MYO1E: variants seen among roughly 807,000 people sequenced by gnomAD.
The protein encoded by MYO1E is myosin IE.
Under a neutral mutation model 151.1 loss-of-function variants are expected in MYO1E, and 68 were observed. The ratio of observed to expected loss-of-function variants is 0.45; its 90% CI spans 0.37 to 0.55. The LOEUF (loss-of-function observed/expected upper bound fraction) is 0.55. Ranked by LOEUF, MYO1E falls within the 20% of genes least tolerant of loss-of-function variation. The pLI, the probability that MYO1E is intolerant of heterozygous loss-of-function variation, is 0.00. For missense variants in MYO1E, 1,363 were observed against 1,389.3 expected, an observed-to-expected ratio of 0.98 and a Z score of 0.30; for synonymous variants, 601 against 501.7, an observed-to-expected ratio of 1.20 and a Z score of -2.64.
At chr15:59,319,923 G>C (rs185709073) in intron 1 of MYO1E, among the ~76,000 whole-genome samples, 20 of 151,980 alleles carry the variant, frequency 1.3e-4, no homozygotes, top group South Asian at 1.2e-3. Flanking sequence ...AACAAACAAA[G>C]AAAGAAACAC....
At chr15:59,202,153 A>G (rs978857893) in intron 16 of MYO1E, among the ~76,000 whole-genome samples, 173 bp downstream of exon 16, 2 of 152,230 alleles carry the variant, frequency 1.3e-5, no homozygotes, top group East Asian at 1.9e-4. Context: ...GCCAAGTCAA[A>G]TTCAGCTTGC....
chr15:59,368,606 C>T (rs1307935916), intron 1 of MYO1E, among the ~76,000 whole-genome samples: 1 of 152,048 alleles, frequency 6.6e-6, no homozygotes, highest in Non-Finnish European at 1.5e-5. Flanking sequence ...ATTAGCTGGG[C>T]GTTGTGGCAG....
At chr15:59,257,708 G>C (rs2080201713) in intron 3 of MYO1E, among the ~76,000 whole-genome samples, 1 of 152,112 alleles carries the variant, frequency 6.6e-6, no homozygotes, top group African/African-American at 2.4e-5. Flanking sequence ...CATGCTGTAG[G>C]CAGGGGGCTC....
intron 1 of MYO1E, among the ~76,000 whole-genome samples, chr15:59,314,256 C>T (rs1382972517): frequency 6.6e-6 from 1 of 152,214 alleles, no homozygotes; most frequent in South Asian, 2.1e-4. Flanking sequence ...TGAATGACAA[C>T]TCTGTGCCTT....
At chr15:59,343,380 G>A (rs145962084) in intron 1 of MYO1E, among the ~76,000 whole-genome samples, 2,417 of 151,768 alleles carry the variant, frequency 0.016, 64 homozygotes, top group African/African-American at 0.054. Context: ...GCTGCCAGAC[G>A]TGTTGGAGCT....
rs2079372075 is a variant in MYO1E, at chr15:59,136,241, T to G, written c.*1139A>C. 1 of 154,362 alleles carries G rather than the reference T, an allele frequency of 6.5e-6. No individual in the cohort carries two copies. Among genetic ancestry groups the G allele is most frequent in the African/African-American group, 2.4e-5 (1 of 41,486 alleles). The allele number at this position is 154,362 out of a possible 1,614,324, so 9.6% of individuals were successfully genotyped here. On this transcript the variant is annotated 3_prime_UTR_variant, in exon 28 of 28. Transcript: ENST00000288235. ...ACTTCATTTTAATTAGTTTTGTTTG[T>G]TTGCTCCATAAAGACTCTATTTCCA... is the stretch of plus-strand genomic sequence containing the variant.
chr15:59,322,139 C>T (rs1354015033), intron 1 of MYO1E, among the ~76,000 whole-genome samples: 4 of 151,298 alleles, frequency 2.6e-5, no homozygotes, highest in Admixed American at 1.3e-4. Context: ...CACACCACTG[C>T]ACTCCAGCCC....
At chr15:59,260,154 C>T (rs544795623) in intron 3 of MYO1E, among the ~76,000 whole-genome samples, 1 of 152,262 alleles carries the variant, frequency 6.6e-6, no homozygotes, top group South Asian at 2.1e-4. Flanking sequence ...TACAGCAACC[C>T]TTTTCAGAAA....
chr15:59,357,149 A>G (rs926910500), intron 1 of MYO1E, among the ~76,000 whole-genome samples: 2 of 151,104 alleles, frequency 1.3e-5, no homozygotes, highest in Non-Finnish European at 2.9e-5. Flanking sequence ...CAGGTGATCC[A>G]CCCACCTCAG....
chr15:59,300,660 T>C lies in MYO1E; in HGVS notation c.4-28211A>G, dbSNP rs1412634570. ...TAGAAACCTGTGATCGCCTTCTAGC[T>C]ATAAATCTTCCGGGGTTCCCATTAA... On this transcript the variant is annotated intron_variant, in intron 1 of 27. Transcript: ENST00000288235. Among the ~76,000 whole-genome samples the C allele has an allele frequency of 2.6e-5, 4 of 152,116 alleles. No individual in the cohort carries two copies. In the South Asian group the frequency reaches 8.3e-4, roughly 32 times the overall value.
At chr15:59,246,811 T>C (rs1008595527) in intron 4 of MYO1E, among the ~76,000 whole-genome samples, 1 of 152,184 alleles carries the variant, frequency 6.6e-6, no homozygotes, top group Non-Finnish European at 1.5e-5. Context: ...ATTTGGTGTA[T>C]AAATGCATCT....
intron 1 of MYO1E, among the ~76,000 whole-genome samples, chr15:59,321,849 G>C (rs2080628307): frequency 6.6e-6 from 1 of 152,048 alleles, no homozygotes; most frequent in African/African-American, 2.4e-5. Flanking sequence ...CTGGGTGACA[G>C]AGTGAGACCC....
chr15:59,299,003 C>A (rs1399597519), intron 1 of MYO1E, among the ~76,000 whole-genome samples: 1 of 152,154 alleles, frequency 6.6e-6, no homozygotes, highest in African/African-American at 2.4e-5. Context: ...GGGATAGATC[C>A]TCAGAAAAAA....
intron 21 of MYO1E, among the ~76,000 whole-genome samples, chr15:59,172,853 T>G (rs184126418): frequency 1.5e-3 from 221 of 152,370 alleles, no homozygotes; most frequent in African/African-American, 5.0e-3. Flanking sequence ...CTGCGAGAGC[T>G]AAGCACCCCT....
At chr15:59,145,395 G>T (rs1222276897) in intron 26 of MYO1E, among the ~76,000 whole-genome samples, 2 of 152,118 alleles carry the variant, frequency 1.3e-5, no homozygotes, top group Non-Finnish European at 2.9e-5. Flanking sequence ...CCAAATCATT[G>T]ACAACAAAGA....
intron 19 of MYO1E, among the ~76,000 whole-genome samples, chr15:59,177,670 T>C (rs1354303917): frequency 6.6e-6 from 1 of 152,214 alleles, no homozygotes; most frequent in Admixed American, 6.5e-5. Flanking sequence ...GAACAGAACT[T>C]CCTGTGGACA....
chr15:59,241,835 T>C lies in MYO1E; in HGVS notation c.333-5163A>G, dbSNP rs562420700. 7.2e-4 allele frequency among the ~76,000 whole-genome samples: 109 copies of C among 152,074 alleles called. 1 individual carries two copies. Among genetic ancestry groups the C allele is most frequent in the African/African-American group, 2.6e-3 (106 of 41,490 alleles). On this transcript the variant is annotated intron_variant, in intron 4 of 27. Coordinates refer to ENST00000288235, the MANE Select transcript of MYO1E (RefSeq NM_004998.4). ...TTTGGAGGCTGAGGTGGGAGGATTG[T>C]TTGAGTCCAGGAGGTTGAGGCTGCA...
At chr15:59,144,835 G>T (rs1243871955) in intron 26 of MYO1E, among the ~76,000 whole-genome samples, 1 of 151,676 alleles carries the variant, frequency 6.6e-6, no homozygotes, top group Non-Finnish European at 1.5e-5. Context: ...TTAATGAGAA[G>T]AAAGAATGAC....
chr15:59,347,403 G>C (rs550004259), intron 1 of MYO1E, among the ~76,000 whole-genome samples: 10 of 152,236 alleles, frequency 6.6e-5, no homozygotes, highest in African/African-American at 1.9e-4. Flanking sequence ...AAAAAGGTTG[G>C]GGACTGCTGC....
Sources: gnomAD v4.1 joint callset for allele counts (sites outside exome capture counted in the v4.1 genomes callset) on GRCh38, gnomAD v4.1.1 for gene constraint, MANE v1.5 for transcripts, NCBI Gene and HGNC (gene_info 2026-07-23, HGNC 2026-07-21) for gene names.